TXNDC11: variants seen among roughly 807,000 people sequenced by gnomAD.
TXNDC11 encodes thioredoxin domain-containing protein 11.
Under a neutral mutation model 78.0 loss-of-function variants are expected in TXNDC11, and 68 were observed. The ratio of observed to expected loss-of-function variants is 0.87; its 90% confidence interval spans 0.72 to 1.07. TXNDC11 has a LOEUF of 1.07. Ranked by LOEUF, TXNDC11 falls within the 50% of genes least tolerant of loss-of-function variation. The pLI, the probability that TXNDC11 is intolerant of heterozygous loss-of-function variation, is 0.00. For missense variants in TXNDC11, 1,389 were observed against 1,221.8 expected (o/e 1.14, Z -2.04); for synonymous variants, 571 against 495.2 (o/e 1.15, Z -2.03).
chr16:11,736,802 T>A (rs2052233792), intron 1 of TXNDC11, among the ~76,000 whole-genome samples: 1 of 152,126 alleles, frequency 6.6e-6, no homozygotes, highest in Non-Finnish European at 1.5e-5. Context: ...CTAAGACTAA[T>A]GAAGATAAGT....
Position 11,691,940 on chromosome 16 carries a change from G to T in TXNDC11, c.1250C>A (p.Thr417Lys), listed in dbSNP as rs781579524. 6.2e-7 allele frequency: 1 copy of T among 1,612,040 alleles called. No individual in the cohort carries two copies. The highest frequency in any genetic ancestry group is 8.5e-7 in the Non-Finnish European group (1 of 1,178,272). Residue 417 changes from threonine to lysine, a missense_variant, in exon 8 of 12, where the codon ACG (threonine) becomes AAG (lysine). Transcript: ENST00000283033. ...EVPAQLPDPPTITASPCCNTV... is the reference protein window; with the variant it reads ...EVPAQLPDPPKITASPCCNTV... ...GTTGCAGCAGGGGGACGCTGTGATC[G>T]TTGGCGGGTCTGGCAGCTGTGCCGG...
At position 11,679,847 on chromosome 16, in the gene TXNDC11, G is replaced by C. The variant is rs1346360085; in HGVS notation, c.2235-10C>G. On this transcript the variant is annotated splice_polypyrimidine_tract_variant and intron_variant, in intron 11 of 11. Transcript: ENST00000283033. This position sits in a 1 kb window ranked among gnomAD's most constrained non-coding sequence, Gnocchi z 4.6. ...CACACTTAGGTCCTTTCTGGAGAGA[G>C]AGGGAAAGGAAGCAAAGACAGGAGT... is the stretch of plus-strand genomic sequence containing the variant. 1.9e-6 allele frequency: 3 copies of C among 1,599,304 alleles called. No homozygotes were observed. The highest frequency in any genetic ancestry group is 2.7e-5 in the African/African-American group (2 of 74,534).
chr16:11,697,203 C>G (rs1209103636), intron 7 of TXNDC11, among the ~76,000 whole-genome samples: 1 of 152,174 alleles, frequency 6.6e-6, no homozygotes, highest in East Asian at 1.9e-4. Flanking sequence ...GGAATCATAA[C>G]TTGAGCAAAA....
intron 4 of TXNDC11, among the ~76,000 whole-genome samples, chr16:11,722,017 T>G (rs965645240): frequency 2.0e-5 from 3 of 152,254 alleles, no homozygotes; most frequent in Non-Finnish European, 4.4e-5. Context: ...ACTTTATCAG[T>G]AAGTTATGTC....
rs146298674 is a variant in TXNDC11, at chr16:11,728,402, C to T, written c.699+2243G>A. Among the ~76,000 whole-genome samples the T allele has an allele frequency of 6.6e-5, 10 of 152,226 alleles. No individual in the cohort carries two copies. In the South Asian group the frequency reaches 1.0e-3, roughly 16 times the overall value. ...AGCCCAGCAAAAGATGATACTAACCCGATAAAAGCCACAGCTTTTGGGAGG... is the reference window on the plus strand; with the variant it reads ...AGCCCAGCAAAAGATGATACTAACCTGATAAAAGCCACAGCTTTTGGGAGG... On this transcript the variant is annotated intron_variant, in intron 4 of 11. Coordinates refer to ENST00000283033, the MANE Select transcript of TXNDC11 (RefSeq NM_015914.7).
intron 5 of TXNDC11, among the ~76,000 whole-genome samples, chr16:11,711,328 T>C (rs1225047491): frequency 1.3e-5 from 2 of 152,184 alleles, no homozygotes; most frequent in Non-Finnish European, 2.9e-5. Flanking sequence ...TAACAAATAA[T>C]GGCAGACACA....
rs965045482 is a variant in TXNDC11, at chr16:11,697,633, G to A, written c.1107+492C>T. ...CTCTGGCTTCTGCACGACAGGGAAGGTTCAGAGAAACAAGGTGTCCCAACA... is the reference window on the plus strand; with the variant it reads ...CTCTGGCTTCTGCACGACAGGGAAGATTCAGAGAAACAAGGTGTCCCAACA... On this transcript the variant is annotated intron_variant, in intron 7 of 11. Transcript: ENST00000283033. 6.6e-5 allele frequency among the ~76,000 whole-genome samples: 10 copies of A among 152,328 alleles called. No individual in the cohort carries two copies. In the East Asian group the frequency reaches 9.7e-4, roughly 15 times the overall value.
chr16:11,699,616 T>G (rs898463088), intron 6 of TXNDC11, among the ~76,000 whole-genome samples: 8 of 152,252 alleles, frequency 5.3e-5, no homozygotes, highest in African/African-American at 1.9e-4. Context: ...CTACGAGAGA[T>G]ATGCAGAAGC....
At chr16:11,726,784 G>C (rs1049789522) in intron 4 of TXNDC11, among the ~76,000 whole-genome samples, 1 of 152,146 alleles carries the variant, frequency 6.6e-6, no homozygotes, top group Non-Finnish European at 1.5e-5. Context: ...GCGGGGCACA[G>C]TGGCTCACAC....
intron 4 of TXNDC11, among the ~76,000 whole-genome samples, chr16:11,727,670 C>A (rs180925950): frequency 2.7e-5 from 4 of 150,588 alleles, no homozygotes; most frequent in East Asian, 3.9e-4. Flanking sequence ...CCGCCCCCCC[C>A]ACCCCACCAT....
At chr16:11,701,025 C>T (rs1443775276) in intron 5 of TXNDC11, among the ~76,000 whole-genome samples, 1 of 152,052 alleles carries the variant, frequency 6.6e-6, no homozygotes, top group Non-Finnish European at 1.5e-5. Flanking sequence ...GGCTCCTGAC[C>T]CATTCAGGTA....
At chr16:11,738,078 C>G (rs1390457263) in intron 1 of TXNDC11, among the ~76,000 whole-genome samples, 1 of 151,888 alleles carries the variant, frequency 6.6e-6, no homozygotes, top group African/African-American at 2.4e-5. Context: ...ATATTCTTAC[C>G]CATTTACTTA....
chr16:11,742,307 CGAG>C (rs1597513101), intron 1 of TXNDC11, 167 bp downstream of exon 1: 1 of 497,562 alleles, frequency 2.0e-6, no homozygotes, highest in Non-Finnish European at 3.3e-6. Context: ...CGGGCCGGGG[CGAG>C]GAGAAGGTGG....
chr16:11,693,961 G>C (rs1025662537), intron 7 of TXNDC11, among the ~76,000 whole-genome samples: 2 of 152,102 alleles, frequency 1.3e-5, no homozygotes, highest in African/African-American at 2.4e-5. Context: ...CCAAGTAGGA[G>C]ATCATTAATT....
intron 5 of TXNDC11, among the ~76,000 whole-genome samples, chr16:11,711,441 T>C (rs1043953711): frequency 1.3e-5 from 2 of 152,210 alleles, no homozygotes; most frequent in Non-Finnish European, 2.9e-5. Flanking sequence ...TGGGAGGCTC[T>C]GGGGGAGAAT....
chr16:11,742,021 G>A (rs1306694534), intron 1 of TXNDC11: 1 of 156,016 alleles, frequency 6.4e-6, no homozygotes, highest in Non-Finnish European at 1.4e-5. Context: ...CACAATGCGT[G>A]ACTCCGTCTC....
At chr16:11,733,459 C>T (rs985703613) in intron 3 of TXNDC11, among the ~76,000 whole-genome samples, 5 of 147,074 alleles carry the variant, frequency 3.4e-5, no homozygotes, top group African/African-American at 1.0e-4. Flanking sequence ...TCCGGGAGGC[C>T]GAGCTTGCAG....
rs759519278 is a variant in TXNDC11 at position 11,736,127 on chromosome 16, C to T, written c.361G>A (p.Val121Ile). The stretch of plus-strand genomic sequence containing the variant: ...AGTACCACCTCTGAATCCCGTCGAA[C>T]GTACTCTGCATAATCCAGCTGCCCC... ...FQGQLDYAEY[V>I]RRDSEVVLLF... The change falls in exon 2 of 12, where the codon GTT becomes ATT. Residue 121 changes from valine (V) to isoleucine (I), a missense_variant. Transcript: ENST00000283033. The T allele has an allele frequency of 5.0e-6, 8 of 1,614,180 alleles. No individual in the cohort carries two copies. The highest frequency in any genetic ancestry group is 1.7e-4 in the Middle Eastern group (1 of 6,060).
chr16:11,733,082 C>G (rs759325209), intron 3 of TXNDC11, among the ~76,000 whole-genome samples: 16 of 151,984 alleles, frequency 1.1e-4, no homozygotes, highest in Non-Finnish European at 2.1e-4. Context: ...CATGGTAAAA[C>G]CCCGTCTCTA....
Sources: gnomAD v4.1 joint callset for allele counts (sites outside exome capture counted in the v4.1 genomes callset) on GRCh38, gnomAD v4.1.1 for gene constraint, Gnocchi (gnomAD v3.1) non-coding constraint, MANE v1.5 for transcripts, NCBI Gene and HGNC (gene_info 2026-07-23, HGNC 2026-07-21) for gene names.